PNPT1: variants seen among roughly 807,000 people sequenced by gnomAD.
PNPT1 encodes polyribonucleotide nucleotidyltransferase 1.
Under a neutral mutation model 119.5 loss-of-function variants are expected in PNPT1, and 53 were observed. The observed-to-expected ratio is 0.44, with a 90% CI of 0.36 to 0.56. The LOEUF (loss-of-function observed/expected upper bound fraction) is 0.56, where lower values mean the gene tolerates loss of function less well. Ranked by LOEUF, PNPT1 falls within the 20% of genes least tolerant of loss-of-function variation. PNPT1 has a pLI of 0.00. For synonymous variants in PNPT1, 357 were observed against 322.1 expected, an observed-to-expected ratio of 1.11 and a Z score of -1.16; for missense variants, 948 against 938.5, an observed-to-expected ratio of 1.01 and a Z score of -0.13.
chr2:55,680,648 G>T, intron 7 of PNPT1, 64 bp downstream of exon 7: 1 of 1,434,400 alleles, frequency 7.0e-7, no homozygotes, highest in Non-Finnish European at 9.7e-7. Context: ...CTGTAACATG[G>T]TCACTACTAC....
At chr2:55,640,217 A>G (rs1695794136) in intron 26 of PNPT1, among the ~76,000 whole-genome samples, 2 of 152,012 alleles carry the variant, frequency 1.3e-5, no homozygotes, top group Admixed American at 1.3e-4. Context: ...GCAGTGGCAC[A>G]ATCTTGGCTC....
At chr2:55,643,083 C>A (rs1258961727) in intron 25 of PNPT1, 75 bp downstream of exon 25, 1 of 1,482,648 alleles carries the variant, frequency 6.7e-7, no homozygotes, top group East Asian at 2.3e-5. Context: ...CACTGTATCC[C>A]ACTGTGGGTG....
At chr2:55,692,557 T>C (rs1450920069) in intron 1 of PNPT1, among the ~76,000 whole-genome samples, 1 of 152,176 alleles carries the variant, frequency 6.6e-6, no homozygotes, top group African/African-American at 2.4e-5. Flanking sequence ...GTATGGGCTT[T>C]GTAAGCAAAA....
At chr2:55,663,295 G>C (rs1449181692) in intron 13 of PNPT1, among the ~76,000 whole-genome samples, 1 of 152,222 alleles carries the variant, frequency 6.6e-6, no homozygotes, top group Non-Finnish European at 1.5e-5. Context: ...GAGATGGCAA[G>C]AGTCAGTGAG....
rs187283715 is a variant in PNPT1 at position 55,687,760 on chromosome 2, T to A, written c.162-55A>T. The A allele has an allele frequency of 1.8e-5, 24 of 1,346,610 alleles. No individual in the cohort carries two copies. In the East Asian group the frequency reaches 5.4e-4, roughly 30 times the overall value. The allele number at this position is 1,346,610 out of a possible 1,614,324, so 83.4% of individuals were successfully genotyped here. A position where few individuals can be genotyped will look rare whatever the true frequency, so the allele number is the denominator to read the frequency against. On this transcript the variant is annotated intron_variant, in intron 1 of 27. Transcript: ENST00000447944. ...AGACTTAGGTCATCTGTACAATTCCTGCTTAGTATAAAATAATAAAAGATT... is the reference window on the plus strand; with the variant it reads ...AGACTTAGGTCATCTGTACAATTCCAGCTTAGTATAAAATAATAAAAGATT...
At chr2:55,670,934 T>C (rs1696892869) in intron 11 of PNPT1, among the ~76,000 whole-genome samples, 1 of 151,288 alleles carries the variant, frequency 6.6e-6, no homozygotes, top group Admixed American at 6.6e-5. Context: ...TGAGAAGCAA[T>C]GAGAGTAACA....
At chr2:55,648,939 T>C (rs529997357) in intron 18 of PNPT1, among the ~76,000 whole-genome samples, 1 of 152,318 alleles carries the variant, frequency 6.6e-6, no homozygotes, top group African/African-American at 2.4e-5. Context: ...CACTTGGAAT[T>C]TACTTTGGTA....
In PNPT1 at chr2:55,660,138, G is replaced by C. The variant is rs753986897; in HGVS notation, c.1284+19C>G. 2 of 1,565,730 alleles carry C rather than the reference G, an allele frequency of 1.3e-6. No homozygotes were observed. Among genetic ancestry groups the C allele is most frequent in the African/African-American group, 1.4e-5 (1 of 72,130 alleles). On this transcript the variant is annotated intron_variant, in intron 15 of 27. Transcript: ENST00000447944. ...TATTAATTTATTAATAAAATTTTGA[G>C]GAAAAAAATTCACCTTACCTCGTAG...
chr2:55,640,587 G>A, intron 26 of PNPT1, 40 bp downstream of exon 26: 5 of 1,454,046 alleles, frequency 3.4e-6, no homozygotes, highest in Non-Finnish European at 4.8e-6. Flanking sequence ...GTGTTTCAAG[G>A]CAGTTATAAA....
At chr2:55,645,303 C>A in intron 22 of PNPT1, 46 bp downstream of exon 22, 1 of 1,352,240 alleles carries the variant, frequency 7.4e-7, no homozygotes, top group Non-Finnish European at 1.0e-6. Flanking sequence ...GGATTACAGG[C>A]GTGAGCCACC....
chr2:55,681,683 A>G (rs1559110434), intron 5 of PNPT1, among the ~76,000 whole-genome samples: 1 of 151,922 alleles, frequency 6.6e-6, no homozygotes, highest in Admixed American at 6.6e-5. Context: ...TGTCTCTACT[A>G]AAAATACAAA....
At chr2:55,678,065 C>G (rs1697137050) in intron 8 of PNPT1, among the ~76,000 whole-genome samples, 1 of 152,130 alleles carries the variant, frequency 6.6e-6, no homozygotes, top group African/African-American at 2.4e-5. Context: ...ATGATAATAG[C>G]AGGTATTAAC....
At chr2:55,667,179 C>A in intron 12 of PNPT1, 86 bp from the exon 13 acceptor site, 1 of 980,190 alleles carries the variant, frequency 1.0e-6, no homozygotes, top group Non-Finnish European at 1.6e-6. Context: ...AAGTTCTCAA[C>A]CTCAGTTGTG....
At chr2:55,662,884 T>A (rs1479251960) in intron 13 of PNPT1, among the ~76,000 whole-genome samples, 3 of 147,480 alleles carry the variant, frequency 2.0e-5, no homozygotes, top group African/African-American at 7.3e-5. Flanking sequence ...CAAAAGATTT[T>A]TTTTTTTTTT....
At chr2:55,659,409 T>G (rs1416747149) in intron 15 of PNPT1, among the ~76,000 whole-genome samples, 1 of 152,190 alleles carries the variant, frequency 6.6e-6, no homozygotes, top group Non-Finnish European at 1.5e-5. Flanking sequence ...CTTTTACTAC[T>G]AATCAACTGA....
intron 1 of PNPT1, among the ~76,000 whole-genome samples, chr2:55,688,799 G>A (rs1464189808): frequency 6.6e-6 from 1 of 152,022 alleles, no homozygotes; most frequent in East Asian, 1.9e-4. Flanking sequence ...AATGCTTTTA[G>A]GACAAAATAT....
intron 18 of PNPT1, among the ~76,000 whole-genome samples, chr2:55,653,923 G>C (rs1349034776): frequency 6.6e-6 from 1 of 151,674 alleles, no homozygotes; most frequent in Non-Finnish European, 1.5e-5. Context: ...CTTTCTTCTC[G>C]AATAGCAGCA....
chr2:55,645,022 ATT>A (rs528402444), intron 22 of PNPT1: 659 of 177,688 alleles, frequency 3.7e-3, no homozygotes, highest in South Asian at 6.5e-3. Flanking sequence ...GATCACTAAA[ATT>A]TTTTTTTTTT....
chr2:55,679,885 A>AT (rs1697192173), intron 7 of PNPT1, 90 bp from the exon 8 acceptor site: 1 of 835,794 alleles, frequency 1.2e-6, no homozygotes, highest in African/African-American at 1.7e-5. Context: ...CCCATCTTTG[A>AT]TTGTGACCAC....
Sources: gnomAD v4.1 joint callset for allele counts (sites outside exome capture counted in the v4.1 genomes callset) on GRCh38, gnomAD v4.1.1 for gene constraint, MANE v1.5 for transcripts, NCBI Gene and HGNC (gene_info 2026-07-23, HGNC 2026-07-21) for gene names.